Variants in DOP1B observed in about 807,000 individuals in gnomAD.
The protein encoded by DOP1B is protein DOP1B.
In DOP1B, 174 loss-of-function variants were observed where a neutral mutation model predicts 233.5. That is an observed-to-expected ratio of 0.75 (90% CI 0.66 to 0.85). DOP1B has a LOEUF of 0.85. DOP1B is among the 40% of genes least tolerant of loss of function. The probability of loss-of-function intolerance (pLI) is 0.00; values close to 1 mark genes in which losing one functional copy is unlikely to be tolerated. For missense variants in DOP1B, 2,652 were observed against 2,846.6 expected, an observed-to-expected ratio of 0.93 and a Z score of 1.56; for synonymous variants, 1,190 against 1,185.6, an observed-to-expected ratio of 1.00 and a Z score of -0.08.
Position 36,257,596 on chromosome 21 carries a change from T to TGATAGATA in DOP1B, c.5260-3042_5260-3035dup, listed in dbSNP as rs34032773. 7.8e-3 allele frequency among the ~76,000 whole-genome samples: 1,177 copies of TGATAGATA among 150,192 alleles called. 5 individuals are homozygous for TGATAGATA. The highest frequency in any genetic ancestry group is 9.0e-3 in the Admixed American group (135 of 15,066). Reference sequence around the variant, plus strand: ...AAACATAGGTTGATACGTAGATAGATGATAGATAGATAGATAGATAGATAG... The same window carrying TGATAGATA: ...AAACATAGGTTGATACGTAGATAGATGATAGATAGATAGATAGATAGATAGATAGATAG... On this transcript the variant is annotated intron_variant, in intron 23 of 36. Transcript: ENST00000691173.
chr21:36,281,583 A>G lies in DOP1B; in HGVS notation c.6132A>G (p.Gln2044=), dbSNP rs745851059. ...AFAVFSGELD[Q]YHLYLPLIQE... ...CTGTCTTCAGTGGAGAACTTGATCA[A>G]TACCACCTTTACCTTCCACTGATAC... Residue 2044 remains glutamine (Q), a synonymous_variant, in exon 32 of 37, where the codon CAA becomes CAG. Transcript: ENST00000691173. 1 of 1,603,306 alleles carries G rather than the reference A, an allele frequency of 6.2e-7. No homozygotes were observed. The highest frequency in any genetic ancestry group is 8.5e-7 in the Non-Finnish European group (1 of 1,171,052).
In DOP1B at chr21:36,227,692, T is replaced by C. The variant is rs764759205; in HGVS notation, c.1480T>C (p.Tyr494His). The part of the protein sequence containing the change: ...FLLDVIPLEL[Y>H]SEVQTQYLPQ... ...CTACACGTTTATTTCACAGGAACTT[T>C]ACTCTGAGGTGCAAACCCAGTATCT... The change falls in exon 13 of 37, where the codon TAC becomes CAC. Residue 494 changes from tyrosine to histidine, a missense_variant. By Grantham distance (83) the Tyr-to-His change is moderately conservative. Around this residue, in one of 3 missense-constraint regions of DOP1B, gnomAD observed 2,617 missense variants for 2,794.3 expected, o/e 0.94. Transcript: ENST00000691173. The C allele has an allele frequency of 1.9e-6, 3 of 1,539,878 alleles. No individual in the cohort carries two copies. In the African/African-American group the frequency reaches 4.1e-5, roughly 21 times the overall value.
At chr21:36,215,631 C>G (rs2066550389) in intron 9 of DOP1B, among the ~76,000 whole-genome samples, 1 of 151,580 alleles carries the variant, frequency 6.6e-6, no homozygotes, top group Non-Finnish European at 1.5e-5. Context: ...TCTCAAACTC[C>G]TGACCTCAAG....
rs148885118 is a variant in DOP1B, at chr21:36,246,748, C to A, written c.4697+71C>A. On this transcript the variant is annotated intron_variant, in intron 19 of 36. Transcript: ENST00000691173. The surrounding 1 kb of genome is among the most constrained non-coding windows in gnomAD (Gnocchi z 5.1). Reference sequence around the variant, plus strand: ...TTTATAACGAATGACTGTTTTGCCACGGATGTGGATGTCGGTTGGAGGATA... The same window carrying A: ...TTTATAACGAATGACTGTTTTGCCAAGGATGTGGATGTCGGTTGGAGGATA... 6.5e-7 allele frequency: 1 copy of A among 1,530,736 alleles called. No homozygotes were observed. Among genetic ancestry groups the A allele is most frequent in the African/African-American group, 1.4e-5 (1 of 73,232 alleles). 94.8% of individuals were successfully genotyped at this position (1,530,736 alleles called of 1,614,324 possible).
intron 24 of DOP1B, among the ~76,000 whole-genome samples, chr21:36,262,976 T>C (rs1016303087): frequency 2.0e-5 from 3 of 151,918 alleles, no homozygotes; most frequent in African/African-American, 7.2e-5. Flanking sequence ...GGCTCACGCC[T>C]GTAATCCCAG....
Position 36,277,015 on chromosome 21 carries a change from T to C in DOP1B, c.5633-6T>C, listed in dbSNP as rs753232909. On this transcript the variant is annotated splice_region_variant and splice_polypyrimidine_tract_variant and intron_variant, in intron 27 of 36. Coordinates refer to ENST00000691173, the MANE Select transcript of DOP1B (RefSeq NM_001320714.2). ...TTAACATACAAATGGCTCTTTCTGT[T>C]CACAGATGCTGCTGCAGCTTCAGCA... 6.2e-7 allele frequency: 1 copy of C among 1,614,068 alleles called. No individual in the cohort carries two copies. Among genetic ancestry groups the C allele is most frequent in the African/African-American group, 1.3e-5 (1 of 75,056 alleles).
At chr21:36,211,842 A>G in intron 6 of DOP1B, 132 bp from the exon 7 acceptor site, 6 of 1,402,824 alleles carry the variant, frequency 4.3e-6, no homozygotes, top group South Asian at 1.2e-5. Context: ...GCTTCTTTCC[A>G]TGGGTAATGT....
Position 36,245,357 on chromosome 21 carries a change from C to A in DOP1B, c.3377C>A (p.Ser1126Tyr). The change falls in exon 19 of 37, where the codon TCC becomes TAC. Residue 1126 changes from serine to tyrosine, a missense_variant. Physicochemically the swap from Ser to Tyr is moderately radical, Grantham distance 144. This residue lies in a region of DOP1B where 2,617 missense variants were observed against 2,794.3 expected (regional missense o/e 0.94). Coordinates refer to ENST00000691173, the MANE Select transcript of DOP1B (RefSeq NM_001320714.2). This position sits in a 1 kb window ranked among gnomAD's most constrained non-coding sequence, Gnocchi z 5.5. ...TGCCACACGGACAGCGAGAACACGT[C>A]CTCCTTCTCCTCCCCTTCCCACGAC... ...SSCHTDSENT[S>Y]SFSSPSHDLQ... The A allele has an allele frequency of 3.7e-6, 6 of 1,614,080 alleles. No individual in the cohort carries two copies. The highest frequency in any genetic ancestry group is 4.2e-6 in the Non-Finnish European group (5 of 1,180,010).
At chr21:36,266,754 G>A (rs2067234943) in intron 26 of DOP1B, among the ~76,000 whole-genome samples, 1 of 152,150 alleles carries the variant, frequency 6.6e-6, no homozygotes, top group South Asian at 2.1e-4. Context: ...AAGTTCTCTG[G>A]GGGCCCCCAG....
chr21:36,167,847 T>C (rs1400879132), intron 2 of DOP1B, among the ~76,000 whole-genome samples: 1 of 152,048 alleles, frequency 6.6e-6, no homozygotes, highest in Non-Finnish European at 1.5e-5. Context: ...TCATCCATGT[T>C]ATAGTATGTG....
intron 22 of DOP1B, among the ~76,000 whole-genome samples, chr21:36,253,300 A>C (rs185502255): frequency 2.5e-3 from 383 of 152,358 alleles, no homozygotes; most frequent in African/African-American, 8.6e-3. Context: ...ACTAAATTCA[A>C]ACATACCACT....
chr21:36,291,232 G>A (rs1372623927), intron 35 of DOP1B, among the ~76,000 whole-genome samples: 1 of 152,046 alleles, frequency 6.6e-6, no homozygotes, highest in Admixed American at 6.6e-5. Flanking sequence ...CTGCACTCCA[G>A]CCTGGGCGAA....
At chr21:36,219,973 G>A (rs943970225) in intron 10 of DOP1B, among the ~76,000 whole-genome samples, 10 of 151,962 alleles carry the variant, frequency 6.6e-5, no homozygotes, top group South Asian at 2.1e-4. Context: ...GCAGGGCACC[G>A]GAGAGCACAG....
intron 1 of DOP1B, among the ~76,000 whole-genome samples, chr21:36,164,033 C>T (rs2065888835): frequency 6.6e-6 from 1 of 152,218 alleles, no homozygotes; most frequent in African/African-American, 2.4e-5. Context: ...ATCTCATTGT[C>T]AAGAGCTGTC....
chr21:36,248,704 C>A, intron 21 of DOP1B, 136 bp downstream of exon 21: 1 of 870,614 alleles, frequency 1.1e-6, no homozygotes, highest in Non-Finnish European at 1.6e-6. Context: ...AAGTAGAAAT[C>A]TCTAGTTCAT....
intron 2 of DOP1B, among the ~76,000 whole-genome samples, chr21:36,189,163 G>A (rs1030665340): frequency 6.6e-6 from 1 of 152,148 alleles, no homozygotes; most frequent in African/African-American, 2.4e-5. Flanking sequence ...ATTTTCTTGG[G>A]TGGAGCAACA....
intron 2 of DOP1B, among the ~76,000 whole-genome samples, chr21:36,171,072 A>G (rs1337731080): frequency 6.6e-6 from 1 of 152,196 alleles, no homozygotes; most frequent in Non-Finnish European, 1.5e-5. Flanking sequence ...CTTAAAATGT[A>G]TCTTGAGATC....
intron 11 of DOP1B, among the ~76,000 whole-genome samples, chr21:36,224,490 T>C (rs2066660099): frequency 6.6e-6 from 1 of 151,052 alleles, no homozygotes; most frequent in African/African-American, 2.4e-5. Flanking sequence ...ATCCTGGTTA[T>C]TAAAAAAAAA....
chr21:36,195,340 CAAAAAAAAAA>C (rs60003046), intron 2 of DOP1B, among the ~76,000 whole-genome samples: 2 of 84,096 alleles, frequency 2.4e-5, no homozygotes, highest in Non-Finnish European at 4.4e-5. Context: ...GACTCTGGCT[CAAAAAAAAAA>C]AAAAAAAAAA....
Sources: gnomAD v4.1 joint callset for allele counts (sites outside exome capture counted in the v4.1 genomes callset) on GRCh38, gnomAD v4.1.1 for gene constraint, gnomAD v4.1.1 regional missense constraint, Gnocchi (gnomAD v3.1) non-coding constraint, MANE v1.5 for transcripts, NCBI Gene and HGNC (gene_info 2026-07-23, HGNC 2026-07-21) for gene names.